COL6A6: variants seen among roughly 807,000 people sequenced by gnomAD.
COL6A6 encodes the protein collagen alpha-6(VI) chain.
In COL6A6, 183 loss-of-function variants were observed where a neutral mutation model predicts 208.6. That is an observed-to-expected ratio of 0.88 (90% CI 0.78 to 0.99). COL6A6 has a LOEUF of 0.99. Ranked by LOEUF, COL6A6 falls within the 50% of genes least tolerant of loss-of-function variation. The pLI is 0.00. For synonymous variants in COL6A6, 973 were observed against 1,011.8 expected, an observed-to-expected ratio of 0.96 and a Z score of 0.73; for missense variants, 2,816 against 2,815.2, an observed-to-expected ratio of 1.00 and a Z score of -0.01.
chr3:130,616,073 G>A (rs2064510916), intron 23 of COL6A6, among the ~76,000 whole-genome samples: 1 of 152,152 alleles, frequency 6.6e-6, no homozygotes, highest in African/African-American at 2.4e-5. Flanking sequence ...CTATTTCAAA[G>A]ATGTGTACAA....
At chr3:130,547,117 C>G (rs1047481038) in intron 1 of COL6A6, among the ~76,000 whole-genome samples, 4 of 152,372 alleles carry the variant, frequency 2.6e-5, no homozygotes, top group African/African-American at 9.6e-5. Context: ...GAGCAGGGGG[C>G]GACGCCCATC....
At chr3:130,528,504 G>C (rs77546528) in intron 1 of COL6A6, among the ~76,000 whole-genome samples, 2,024 of 152,298 alleles carry the variant, frequency 0.013, 38 homozygotes, top group African/African-American at 0.044. Flanking sequence ...AGGTCATACT[G>C]TCTCTGTTGC....
chr3:130,535,057 A>T (rs1394548766), intron 1 of COL6A6, among the ~76,000 whole-genome samples: 2 of 151,630 alleles, frequency 1.3e-5, no homozygotes, highest in African/African-American at 2.4e-5. Context: ...GAGAACTCAT[A>T]GTATTTTCCT....
intron 1 of COL6A6, among the ~76,000 whole-genome samples, chr3:130,519,002 A>T (rs1559940482): frequency 2.0e-5 from 3 of 152,264 alleles, no homozygotes; most frequent in African/African-American, 4.8e-5. Context: ...ATTTTGCTAA[A>T]TTTTTTGTGA....
intron 1 of COL6A6, among the ~76,000 whole-genome samples, chr3:130,524,788 G>A (rs1267843431): frequency 3.3e-5 from 5 of 152,180 alleles, no homozygotes; most frequent in African/African-American, 4.8e-5. Context: ...GCTGGGCACC[G>A]ACTGCATGAT....
chr3:130,626,671 A>G, intron 25 of COL6A6, 124 bp downstream of exon 25: 1 of 696,378 alleles, frequency 1.4e-6, no homozygotes, highest in East Asian at 2.6e-5. Context: ...AGTTTTATAG[A>G]AATTAGGAGG....
chr3:130,550,259 G>C (rs2062612097), intron 1 of COL6A6, among the ~76,000 whole-genome samples: 1 of 152,168 alleles, frequency 6.6e-6, no homozygotes, highest in Admixed American at 6.5e-5. Flanking sequence ...TGCAAACAGG[G>C]AAAATTCAAC....
chr3:130,641,625 C>T (rs78476034), intron 28 of COL6A6, 27 bp from the exon 29 acceptor site: 3 of 1,351,740 alleles, frequency 2.2e-6, no homozygotes, highest in Non-Finnish European at 1.0e-6. Flanking sequence ...TGTATAAATA[C>T]AATTTTAAAA....
At chr3:130,620,842 C>T (rs1307509123) in intron 23 of COL6A6, among the ~76,000 whole-genome samples, 1 of 152,094 alleles carries the variant, frequency 6.6e-6, no homozygotes, top group Admixed American at 6.6e-5. Context: ...TTACAACAAC[C>T]ATGACGAAAA....
chr3:130,619,373 G>T (rs978512828), intron 23 of COL6A6, among the ~76,000 whole-genome samples: 2 of 152,174 alleles, frequency 1.3e-5, no homozygotes, highest in African/African-American at 4.8e-5. Context: ...GGAAAAATTT[G>T]CATGAGTGTG....
chr3:130,662,626 C>T (rs1230185148), intron 35 of COL6A6, among the ~76,000 whole-genome samples: 1 of 152,106 alleles, frequency 6.6e-6, no homozygotes, highest in Non-Finnish European at 1.5e-5. Flanking sequence ...TGGACTTTAG[C>T]TACAAAGTAG....
At chr3:130,597,960 G>T (rs974427442) in intron 18 of COL6A6, among the ~76,000 whole-genome samples, 1 of 152,130 alleles carries the variant, frequency 6.6e-6, no homozygotes, top group Non-Finnish European at 1.5e-5. Context: ...GGGTATGGTA[G>T]AATAAAATCT....
chr3:130,538,329 T>G (rs919678396), intron 1 of COL6A6, among the ~76,000 whole-genome samples: 2 of 152,174 alleles, frequency 1.3e-5, no homozygotes, highest in African/African-American at 4.8e-5. Context: ...CCTGTAGACA[T>G]GTTAAGAGTT....
At chr3:130,643,083 GAA>G in intron 31 of COL6A6, 60 bp downstream of exon 31, 1 of 1,554,598 alleles carries the variant, frequency 6.4e-7, no homozygotes, top group Non-Finnish European at 8.8e-7. Flanking sequence ...GAAAAGCAGA[GAA>G]ACCTACACTC....
chr3:130,555,449 A>T (rs866218850), intron 1 of COL6A6, among the ~76,000 whole-genome samples: 33 of 152,010 alleles, frequency 2.2e-4, no homozygotes, highest in South Asian at 2.1e-3. Flanking sequence ...CAGTCTCCCC[A>T]GTGTCCCAGT....
In COL6A6 at chr3:130,657,295, G is replaced by C. The variant is rs1466211805; in HGVS notation, c.5734-1381G>C. Reference sequence around the variant, plus strand: ...AGGCTGAATGAGTGGGACAAGCCTAGTGGGCCTGACTGCAGCCAGCATCAT... The same window carrying C: ...AGGCTGAATGAGTGGGACAAGCCTACTGGGCCTGACTGCAGCCAGCATCAT... On this transcript the variant is annotated intron_variant, in intron 33 of 36. Transcript: ENST00000358511. 2.2e-4 allele frequency among the ~76,000 whole-genome samples: 33 copies of C among 152,248 alleles called. 1 individual carries two copies. Among genetic ancestry groups the C allele is most frequent in the Admixed American group, 2.2e-3 (33 of 15,288 alleles).
chr3:130,582,151 C>T (rs950065675), intron 10 of COL6A6, 83 bp downstream of exon 10: 4 of 879,702 alleles, frequency 4.5e-6, no homozygotes, highest in Non-Finnish European at 7.0e-6. Context: ...AATTTCCAGG[C>T]TCTTAAATTT....
At chr3:130,672,434 A>G (rs1034901085) in intron 36 of COL6A6, among the ~76,000 whole-genome samples, 4 of 150,804 alleles carry the variant, frequency 2.7e-5, no homozygotes, top group African/African-American at 7.3e-5. Context: ...ATGGAGTCTC[A>G]CTCTGTCACC....
chr3:130,575,899 T>G (rs541939686), intron 8 of COL6A6, among the ~76,000 whole-genome samples: 3 of 152,212 alleles, frequency 2.0e-5, no homozygotes, highest in Non-Finnish European at 2.9e-5. Context: ...CATCACAGTT[T>G]TTTTTTTTAG....
Sources: gnomAD v4.1 joint callset for allele counts (sites outside exome capture counted in the v4.1 genomes callset) on GRCh38, gnomAD v4.1.1 for gene constraint, MANE v1.5 for transcripts, NCBI Gene and HGNC (gene_info 2026-07-23, HGNC 2026-07-21) for gene names.